The following UBAC2 variants were observed in gnomAD, a reference collection of about 807,000 sequenced individuals.
UBAC2 encodes the protein UBA domain containing 2.
Under a neutral mutation model 44.0 loss-of-function variants are expected in UBAC2, and 26 were observed. The observed-to-expected ratio is 0.59, with a 90% CI of 0.43 to 0.82. The LOEUF (loss-of-function observed/expected upper bound fraction) is 0.82, where lower values mean the gene tolerates loss of function less well. Among genes scored for constraint, UBAC2 ranks in the 40% least tolerant of loss-of-function variants. The pLI, the probability that UBAC2 is intolerant of heterozygous loss-of-function variation, is 0.00. For synonymous variants in UBAC2, 155 were observed against 154.3 expected, an observed-to-expected ratio of 1.00 and a Z score of -0.04; for missense variants, 329 against 419.4, an observed-to-expected ratio of 0.78 and a Z score of 1.88.
chr13:99,223,632 A>G (rs2043078351), intron 1 of UBAC2, among the ~76,000 whole-genome samples: 1 of 129,976 alleles, frequency 7.7e-6, no homozygotes, highest in Non-Finnish European at 1.6e-5. Context: ...TTTATGCTAC[A>G]TTTTCCCCTC....
chr13:99,359,741 T>C (rs972048134), intron 7 of UBAC2, among the ~76,000 whole-genome samples: 1 of 152,238 alleles, frequency 6.6e-6, no homozygotes, highest in Non-Finnish European at 1.5e-5. Flanking sequence ...CCTTGGTCCA[T>C]AGCACACTGA....
At chr13:99,245,916 T>C (rs2043377791) in intron 4 of UBAC2, among the ~76,000 whole-genome samples, 1 of 152,178 alleles carries the variant, frequency 6.6e-6, no homozygotes, top group Non-Finnish European at 1.5e-5. Flanking sequence ...TGTTAGCACA[T>C]GTAAATGACC....
At chr13:99,274,890 G>A (rs910010702) in intron 4 of UBAC2, among the ~76,000 whole-genome samples, 4 of 151,522 alleles carry the variant, frequency 2.6e-5, no homozygotes, top group Non-Finnish European at 4.4e-5. Flanking sequence ...GCTAATTTTT[G>A]TATTCTTTGT....
At chr13:99,346,321 A>G (rs898603357) in intron 7 of UBAC2, among the ~76,000 whole-genome samples, 4 of 152,054 alleles carry the variant, frequency 2.6e-5, no homozygotes, top group African/African-American at 9.7e-5. Context: ...CTCCCTCCTG[A>G]GCCTGCCCCA....
chr13:99,345,743 T>C (rs2044967436), intron 7 of UBAC2, among the ~76,000 whole-genome samples: 1 of 125,882 alleles, frequency 7.9e-6, no homozygotes, highest in South Asian at 2.3e-4. Context: ...TTTTCTTTCT[T>C]TTTTTTTTTT....
At chr13:99,293,713 A>G (rs1040589470) in intron 4 of UBAC2, among the ~76,000 whole-genome samples, 3 of 152,238 alleles carry the variant, frequency 2.0e-5, no homozygotes, top group Admixed American at 6.5e-5. Context: ...GGAAATCTGA[A>G]TATACTAGTA....
At chr13:99,205,347 A>G (rs1460805440) in intron 1 of UBAC2, among the ~76,000 whole-genome samples, 1 of 152,190 alleles carries the variant, frequency 6.6e-6, no homozygotes, top group East Asian at 1.9e-4. Context: ...GGCCCAGGGC[A>G]GGTATGCTTC....
At chr13:99,217,019 C>T (rs560855955) in intron 1 of UBAC2, among the ~76,000 whole-genome samples, 11 of 151,872 alleles carry the variant, frequency 7.2e-5, no homozygotes, top group African/African-American at 2.7e-4. Context: ...TTAGTAGAAA[C>T]GGGGTTTCAC....
At chr13:99,242,577 C>T (rs1349628158) in intron 2 of UBAC2, among the ~76,000 whole-genome samples, 4 of 118,080 alleles carry the variant, frequency 3.4e-5, no homozygotes, top group Admixed American at 8.3e-5. Context: ...CCAGTAGGGG[C>T]GGCCGGGCAG....
intron 7 of UBAC2, among the ~76,000 whole-genome samples, chr13:99,361,522 C>T (rs1213475365): frequency 6.6e-6 from 1 of 152,234 alleles, no homozygotes; most frequent in Non-Finnish European, 1.5e-5. Flanking sequence ...ATTCCCCTTC[C>T]ACTGTCCTGG....
chr13:99,243,360 A>C (rs1005734192), intron 2 of UBAC2, among the ~76,000 whole-genome samples: 17 of 151,980 alleles, frequency 1.1e-4, no homozygotes, highest in South Asian at 6.2e-4. Flanking sequence ...AGTTGCCATA[A>C]ATTACTTTGC....
intron 4 of UBAC2, among the ~76,000 whole-genome samples, chr13:99,266,124 T>C (rs990100372): frequency 2.0e-5 from 3 of 152,116 alleles, no homozygotes; most frequent in Non-Finnish European, 4.4e-5. Flanking sequence ...CTCTTTGAAA[T>C]TGAAATAATT....
chr13:99,243,212 A>G (rs1370736742), intron 2 of UBAC2, among the ~76,000 whole-genome samples: 1 of 151,702 alleles, frequency 6.6e-6, no homozygotes, highest in Non-Finnish European at 1.5e-5. Flanking sequence ...AGCAGACTCA[A>G]AAATAGGCCT....
At chr13:99,350,474 C>A (rs1213684347) in intron 7 of UBAC2, among the ~76,000 whole-genome samples, 1 of 152,170 alleles carries the variant, frequency 6.6e-6, no homozygotes, top group African/African-American at 2.4e-5. Flanking sequence ...TCAATTATAT[C>A]TACATAATGA....
At chr13:99,274,492 T>TG (rs1405348670) in intron 4 of UBAC2, among the ~76,000 whole-genome samples, 1 of 113,022 alleles carries the variant, frequency 8.8e-6, no homozygotes, top group African/African-American at 3.2e-5. Context: ...GACTGGCTAG[T>TG]TTTTTTTATT....
intron 6 of UBAC2, among the ~76,000 whole-genome samples, chr13:99,320,027 G>A (rs766048270): frequency 2.4e-4 from 36 of 152,136 alleles, no homozygotes; most frequent in Non-Finnish European, 4.9e-4. Flanking sequence ...ATTTCATTGT[G>A]TTAGTTACTA....
chr13:99,213,496 G>A (rs1480152367), intron 1 of UBAC2, among the ~76,000 whole-genome samples: 2 of 151,756 alleles, frequency 1.3e-5, no homozygotes, highest in Admixed American at 6.6e-5. Context: ...GAGTAGTTGG[G>A]ATTACAGGCA....
At chr13:99,277,721 C>T (rs930633879) in intron 4 of UBAC2, among the ~76,000 whole-genome samples, 3 of 152,106 alleles carry the variant, frequency 2.0e-5, no homozygotes, top group Non-Finnish European at 4.4e-5. Flanking sequence ...ATAAAATAGG[C>T]CTTGTAATCA....
intron 6 of UBAC2, among the ~76,000 whole-genome samples, chr13:99,332,370 C>G (rs2044728140): frequency 6.6e-6 from 1 of 152,144 alleles, no homozygotes; most frequent in African/African-American, 2.4e-5. Context: ...TTCATGATTC[C>G]CTTCCTAAAA....
Sources: allele counts gnomAD v4.1 joint callset (sites outside exome capture counted in the v4.1 genomes callset), GRCh38; gene constraint gnomAD v4.1.1; transcripts MANE v1.5; gene names NCBI Gene and HGNC (gene_info 2026-07-23, HGNC 2026-07-21).